ROBO2: variants seen among roughly 807,000 people sequenced by gnomAD.
ROBO2 encodes the protein roundabout guidance receptor 2.
A neutral mutation model predicts 160.8 loss-of-function variants in ROBO2; 53 were observed. The observed-to-expected ratio is 0.33, with a 90% CI of 0.26 to 0.41. ROBO2 has a LOEUF of 0.41. Among genes scored for constraint, ROBO2 ranks in the 10% least tolerant of loss-of-function variants. ROBO2 has a pLI of 1.00. For synonymous variants in ROBO2, 664 were observed against 611.7 expected (o/e 1.09, Z -1.26); for missense variants, 1,577 against 1,722.4 (o/e 0.92, Z 1.49).
At chr3:76,596,370 TAGACTATGAAGAGTAGCG>T (rs1368482640) in intron 2 of ROBO2, among the ~76,000 whole-genome samples, 1 of 152,100 alleles carries the variant, frequency 6.6e-6, no homozygotes, top group Non-Finnish European at 1.5e-5. Flanking sequence ...TTAAATAACA[TAGACTATGAAGAGTAGCG>T]CATGTAGAAA....
intron 2 of ROBO2, among the ~76,000 whole-genome samples, chr3:76,676,794 T>C (rs938773862): frequency 6.6e-6 from 1 of 152,106 alleles, no homozygotes; most frequent in African/African-American, 2.4e-5. Context: ...AGGGCTTTTT[T>C]TTCCTCTCTC....
At chr3:77,544,110 GTTTTT>G (rs36057995) in intron 6 of ROBO2, among the ~76,000 whole-genome samples, 1 of 142,416 alleles carries the variant, frequency 7.0e-6, no homozygotes. Flanking sequence ...AACCTTAAGT[GTTTTT>G]TTTTTTTTTT....
At chr3:77,176,341 C>T (rs2080152616) in intron 2 of ROBO2, among the ~76,000 whole-genome samples, 1 of 151,970 alleles carries the variant, frequency 6.6e-6, no homozygotes, top group African/African-American at 2.4e-5. Context: ...AGTGAAAATA[C>T]TCGGACGGAT....
chr3:76,268,987 A>G (rs1241473739), intron 2 of ROBO2, among the ~76,000 whole-genome samples: 1 of 152,108 alleles, frequency 6.6e-6, no homozygotes, highest in African/African-American at 2.4e-5. Context: ...GTTTAATATT[A>G]TTTGTTTCAT....
chr3:76,612,120 C>T (rs1168946861), intron 2 of ROBO2, among the ~76,000 whole-genome samples: 1 of 152,154 alleles, frequency 6.6e-6, no homozygotes, highest in African/African-American at 2.4e-5. Context: ...AAAGAAGATA[C>T]CTGATATGAT....
intron 2 of ROBO2, among the ~76,000 whole-genome samples, chr3:76,163,782 T>C (rs1033686210): frequency 6.6e-6 from 1 of 152,002 alleles, no homozygotes; most frequent in African/African-American, 2.4e-5. Context: ...TTAATGATTA[T>C]CTGAGCCTTC....
intron 2 of ROBO2, among the ~76,000 whole-genome samples, chr3:76,607,329 T>G (rs1406983387): frequency 6.6e-6 from 1 of 152,222 alleles, no homozygotes; most frequent in East Asian, 1.9e-4. Context: ...ATGCCAAGCT[T>G]CCATTTCATT....
At position 77,423,451 on chromosome 3, in the gene ROBO2, G is replaced by A. The variant is rs577092248; in HGVS notation, c.389-53963G>A. Among the ~76,000 whole-genome samples the A allele has an allele frequency of 2.0e-5, 3 of 152,284 alleles. No homozygotes were observed. In the East Asian group the frequency reaches 5.8e-4, roughly 29 times the overall value. On this transcript the variant is annotated intron_variant, in intron 2 of 25. Transcript: ENST00000461745. ...ACAATTATTAAGGTTATACTAGGTTGAAATGTATGAAATTGCCAGTTTTCA... is the reference window on the plus strand; with the variant it reads ...ACAATTATTAAGGTTATACTAGGTTAAAATGTATGAAATTGCCAGTTTTCA...
At chr3:77,083,166 T>G (rs2068866518) in intron 1 of ROBO2, among the ~76,000 whole-genome samples, 1 of 152,174 alleles carries the variant, frequency 6.6e-6, no homozygotes, top group Non-Finnish European at 1.5e-5. Context: ...ATATAGTAAG[T>G]GATGTTCTGG....
chr3:77,568,942 CATA>C (rs1330290231), intron 13 of ROBO2, among the ~76,000 whole-genome samples: 1 of 151,954 alleles, frequency 6.6e-6, no homozygotes, highest in Non-Finnish European at 1.5e-5. Context: ...TTTCACTCTG[CATA>C]ATGTTTTTGA....
At position 76,677,741 on chromosome 3, in the gene ROBO2, A is replaced by G. The variant is rs1023239918; in HGVS notation, c.110-420273A>G. On this transcript the variant is annotated intron_variant, in intron 2 of 26. Transcript: ENST00000487694. ...AAAAAAGATTTTTTAAATTTAAAAT[A>G]TATAGAAGCTTAAATTGTGTGAAAT... 1.2e-4 allele frequency among the ~76,000 whole-genome samples: 19 copies of G among 152,080 alleles called. 1 individual carries two copies. Among genetic ancestry groups the G allele is most frequent in the Admixed American group, 1.0e-3 (16 of 15,256 alleles).
chr3:77,276,290 C>A (rs907944139), intron 2 of ROBO2, among the ~76,000 whole-genome samples: 1 of 152,024 alleles, frequency 6.6e-6, no homozygotes, highest in Non-Finnish European at 1.5e-5. Context: ...TCCATTACTG[C>A]CCCTTAAAGG....
At chr3:76,857,087 G>A (rs2070190393) in intron 2 of ROBO2, among the ~76,000 whole-genome samples, 1 of 152,078 alleles carries the variant, frequency 6.6e-6, no homozygotes, top group Non-Finnish European at 1.5e-5. Context: ...CCGGGTTCAA[G>A]CGATTCTCGT....
chr3:77,233,865 A>C (rs1389021935), intron 2 of ROBO2, among the ~76,000 whole-genome samples: 1 of 152,256 alleles, frequency 6.6e-6, no homozygotes, highest in Admixed American at 6.5e-5. Context: ...TAAAAGACAA[A>C]ATATCCACTA....
intron 2 of ROBO2, among the ~76,000 whole-genome samples, chr3:75,938,638 T>C (rs2107034339): frequency 6.6e-6 from 1 of 152,254 alleles, no homozygotes; most frequent in Non-Finnish European, 1.5e-5. Flanking sequence ...TTGAAGTATC[T>C]AATAAAGTTT....
intron 13 of ROBO2, among the ~76,000 whole-genome samples, chr3:77,572,055 C>G (rs2093651225): frequency 6.6e-6 from 1 of 151,932 alleles, no homozygotes; most frequent in Non-Finnish European, 1.5e-5. Context: ...CATAAAGTCC[C>G]TAAAACACTT....
At chr3:76,105,782 G>A (rs1159051018) in intron 2 of ROBO2, among the ~76,000 whole-genome samples, 2 of 151,960 alleles carry the variant, frequency 1.3e-5, no homozygotes, top group Non-Finnish European at 2.9e-5. Flanking sequence ...GCGTCTCTGT[G>A]AGGGCAGCTG....
rs528814048 is a variant in ROBO2, at chr3:77,611,247, G to A, written c.3293+3293G>A. The stretch of plus-strand genomic sequence containing the variant: ...TGGGAGGCGGAATTCGCAGTGAGCC[G>A]AGATTGGGCCACTGCACTCCAGCCT... On this transcript the variant is annotated intron_variant, in intron 21 of 25. Transcript: ENST00000461745. 6.7e-5 allele frequency among the ~76,000 whole-genome samples: 10 copies of A among 150,294 alleles called. 1 individual carries two copies. Among genetic ancestry groups the A allele is most frequent in the South Asian group, 6.3e-4 (3 of 4,742 alleles).
chr3:76,835,289 C>T (rs1261160617), intron 2 of ROBO2, among the ~76,000 whole-genome samples: 1 of 150,618 alleles, frequency 6.6e-6, no homozygotes, highest in Non-Finnish European at 1.5e-5. Context: ...TTCAAACTTA[C>T]ATTTTATATG....
Sources: gnomAD v4.1 joint callset for allele counts (sites outside exome capture counted in the v4.1 genomes callset) on GRCh38, gnomAD v4.1.1 for gene constraint, MANE v1.5 for transcripts, NCBI Gene and HGNC (gene_info 2026-07-23, HGNC 2026-07-21) for gene names.